Variants in MAP2K1 observed in about 807,000 individuals in gnomAD.
MAP2K1 encodes the protein mitogen-activated protein kinase kinase 1.
Under a neutral mutation model 46.3 loss-of-function variants are expected in MAP2K1, and 16 were observed. The ratio of observed to expected loss-of-function variants is 0.35; its 90% confidence interval spans 0.23 to 0.52. The LOEUF is 0.52. MAP2K1 is among the 20% of genes least tolerant of loss of function. MAP2K1 has a pLI of 0.94. For missense variants in MAP2K1, 263 were observed against 497.1 expected (o/e 0.53, Z 4.48); for synonymous variants, 183 against 185.6 (o/e 0.99, Z 0.11).
rs1040254383 is a variant in MAP2K1, at chr15:66,476,638, A to G, written c.569-5117A>G. Among the ~76,000 whole-genome samples, 4 of 152,200 alleles carry G rather than the reference A, an allele frequency of 2.6e-5. 1 individual carries two copies. The highest frequency in any genetic ancestry group is 6.5e-5 in the Admixed American group (1 of 15,276). ...TGGTGTGAAGTTGGAGAGGAAAGGAAGAAACAGTGGAGGGCATGGAAAGGC... is the reference window on the plus strand; with the variant it reads ...TGGTGTGAAGTTGGAGAGGAAAGGAGGAAACAGTGGAGGGCATGGAAAGGC... On this transcript the variant is annotated intron_variant, in intron 5 of 10. Coordinates refer to ENST00000307102, the MANE Select transcript of MAP2K1 (RefSeq NM_002755.4).
intron 3 of MAP2K1, among the ~76,000 whole-genome samples, chr15:66,440,422 C>T (rs2093500613): frequency 6.6e-6 from 1 of 152,188 alleles, no homozygotes; most frequent in African/African-American, 2.4e-5. Flanking sequence ...AAATTTGTGT[C>T]ATCAGCATTG....
chr15:66,485,912 T>C (rs1893028254), intron 7 of MAP2K1, among the ~76,000 whole-genome samples: 1 of 152,094 alleles, frequency 6.6e-6, no homozygotes. Context: ...TTTTGTTTTG[T>C]TTTTGATACT....
intron 1 of MAP2K1, chr15:66,401,999 T>A (rs2093383002): frequency 7.5e-7 from 1 of 1,336,444 alleles, no homozygotes; most frequent in African/African-American, 1.5e-5. Context: ...AAAAATCACA[T>A]GCAAATTTTT....
chr15:66,449,003 C>CAAAAAAAAAAAAAAAAAAAAAAAAAAA (rs59398424), intron 5 of MAP2K1, among the ~76,000 whole-genome samples: 1 of 47,950 alleles, frequency 2.1e-5, no homozygotes, highest in Non-Finnish European at 3.6e-5. Context: ...GACACTGTCT[C>CAAAAAAAAAAAAAAAAAAAAAAAAAAA]AAAAAAAAAA....
intron 5 of MAP2K1, among the ~76,000 whole-genome samples, chr15:66,465,259 G>A (rs934569650): frequency 3.3e-5 from 5 of 152,150 alleles, no homozygotes; most frequent in Non-Finnish European, 2.9e-5. Context: ...TCGGCTGGGA[G>A]CTTCAGCAAG....
chr15:66,453,807 T>C (rs141218093), intron 5 of MAP2K1, among the ~76,000 whole-genome samples: 2 of 152,302 alleles, frequency 1.3e-5, no homozygotes, highest in African/African-American at 4.8e-5. Context: ...TTTTTTTCTC[T>C]TTCTTTTTGA....
intron 1 of MAP2K1, among the ~76,000 whole-genome samples, chr15:66,408,535 C>T (rs1189963904): frequency 4.0e-5 from 6 of 151,208 alleles, no homozygotes; most frequent in Middle Eastern, 6.8e-3. Flanking sequence ...TGTATGTGTG[C>T]GTGTGTGTGG....
intron 1 of MAP2K1, among the ~76,000 whole-genome samples, chr15:66,420,675 T>C (rs1382735445): frequency 1.4e-5 from 2 of 138,984 alleles, no homozygotes; most frequent in Non-Finnish European, 3.1e-5. Flanking sequence ...TTTTTTATTT[T>C]AAGCTTTATT....
intron 1 of MAP2K1, among the ~76,000 whole-genome samples, chr15:66,395,194 C>T (rs1290345666): frequency 6.6e-6 from 1 of 152,096 alleles, no homozygotes; most frequent in Non-Finnish European, 1.5e-5. Flanking sequence ...TTTTCCTATG[C>T]AGTATATGCC....
intron 5 of MAP2K1, among the ~76,000 whole-genome samples, chr15:66,466,938 G>A (rs1185966983): frequency 6.6e-6 from 1 of 151,978 alleles, no homozygotes; most frequent in Non-Finnish European, 1.5e-5. Context: ...CTGTATTCAG[G>A]AGCACCTGTT....
chr15:66,424,023 G>A (rs2093450561), intron 1 of MAP2K1, among the ~76,000 whole-genome samples: 1 of 151,384 alleles, frequency 6.6e-6, no homozygotes, highest in South Asian at 2.1e-4. Flanking sequence ...AAAGTGCTGA[G>A]ATTATGGATG....
At chr15:66,406,200 T>C (rs1458680313) in intron 1 of MAP2K1, among the ~76,000 whole-genome samples, 1 of 152,232 alleles carries the variant, frequency 6.6e-6, no homozygotes, top group Non-Finnish European at 1.5e-5. Flanking sequence ...AGATGTCTTA[T>C]TATGGACAAG....
chr15:66,464,157 C>T (rs537063927), intron 5 of MAP2K1, among the ~76,000 whole-genome samples: 2 of 152,104 alleles, frequency 1.3e-5, no homozygotes, highest in African/African-American at 2.4e-5. Context: ...ATGAATCTTT[C>T]GTCTCAGGTT....
At chr15:66,487,152 C>G in intron 7 of MAP2K1, 76 bp from the exon 8 acceptor site, 1 of 1,235,442 alleles carries the variant, frequency 8.1e-7, no homozygotes, top group Non-Finnish European at 1.2e-6. Context: ...CCCAGGGATC[C>G]ATGCCCAACC....
intron 5 of MAP2K1, among the ~76,000 whole-genome samples, chr15:66,452,276 T>C (rs1271777852): frequency 2.1e-5 from 2 of 97,210 alleles, no homozygotes; most frequent in East Asian, 5.9e-4. Flanking sequence ...ACCCTAAAAC[T>C]TAGAGTATAA....
intron 3 of MAP2K1, among the ~76,000 whole-genome samples, chr15:66,443,006 C>A (rs1275128739): frequency 6.6e-6 from 1 of 151,974 alleles, no homozygotes; most frequent in Non-Finnish European, 1.5e-5. Context: ...GGGCGCACCA[C>A]CCTCCAGGAA....
chr15:66,417,781 C>T (rs2093428006), intron 1 of MAP2K1, among the ~76,000 whole-genome samples: 1 of 151,958 alleles, frequency 6.6e-6, no homozygotes, highest in African/African-American at 2.4e-5. Flanking sequence ...AACAGCTGTT[C>T]TTGTATATAA....
At chr15:66,431,038 A>G (rs559658857) in intron 1 of MAP2K1, among the ~76,000 whole-genome samples, 2 of 152,314 alleles carry the variant, frequency 1.3e-5, no homozygotes, top group African/African-American at 4.8e-5. Flanking sequence ...GGTGAATGTG[A>G]TGGAGGTTGG....
chr15:66,415,515 C>G (rs772749919), intron 1 of MAP2K1, among the ~76,000 whole-genome samples: 3 of 152,212 alleles, frequency 2.0e-5, no homozygotes, highest in Non-Finnish European at 4.4e-5. Flanking sequence ...TCCCTCCCCC[C>G]ATATCCAGAT....
Sources: allele counts gnomAD v4.1 joint callset (sites outside exome capture counted in the v4.1 genomes callset), GRCh38; gene constraint gnomAD v4.1.1; transcripts MANE v1.5; gene names NCBI Gene and HGNC (gene_info 2026-07-23, HGNC 2026-07-21).